Variants in STXBP4 observed in about 807,000 individuals in gnomAD.
STXBP4 encodes the protein syntaxin-binding protein 4.
In STXBP4, 55 loss-of-function variants were observed where a neutral mutation model predicts 76.1. That is an observed-to-expected ratio of 0.72 (90% CI 0.58 to 0.91). The LOEUF is 0.91. Among genes scored for constraint, STXBP4 ranks in the 40% least tolerant of loss-of-function variants. The pLI, the probability that STXBP4 is intolerant of heterozygous loss-of-function variation, is 0.00. For missense variants in STXBP4, 618 were observed against 636.9 expected, an observed-to-expected ratio of 0.97 and a Z score of 0.32; for synonymous variants, 201 against 220.2, an observed-to-expected ratio of 0.91 and a Z score of 0.77.
intron 12 of STXBP4, among the ~76,000 whole-genome samples, chr17:55,051,674 C>T (rs1006373836): frequency 1.3e-5 from 2 of 152,062 alleles, no homozygotes; most frequent in Admixed American, 6.6e-5. Context: ...GGGAGGATGG[C>T]TTGAGGCCAC....
intron 16 of STXBP4, among the ~76,000 whole-genome samples, chr17:55,092,169 AG>A (rs545049401): frequency 6.6e-6 from 1 of 152,110 alleles, no homozygotes; most frequent in Non-Finnish European, 1.5e-5. Flanking sequence ...GAAGGCTGGG[AG>A]GGGGTTAAGG....
At position 55,162,428 on chromosome 17, in the gene STXBP4, A is replaced by C. The variant is rs944009001; in HGVS notation, c.*2517A>C. The stretch of plus-strand genomic sequence containing the variant: ...ATGTCCTTCCGTCTCACTTTACTAG[A>C]GTGCCCAAGTTGACTCATCCTTACT... On this transcript the variant is annotated 3_prime_UTR_variant, in exon 18 of 18. Transcript: ENST00000376352. 4 of 152,170 alleles carry C rather than the reference A, an allele frequency of 2.6e-5. No homozygotes were observed. Among genetic ancestry groups the C allele is most frequent in the Non-Finnish European group, 5.9e-5 (4 of 68,028 alleles). 9.4% of individuals were successfully genotyped at this position (152,170 alleles called of 1,614,324 possible).
chr17:55,125,465 C>T (rs1338227920), intron 16 of STXBP4, among the ~76,000 whole-genome samples: 1 of 84,762 alleles, frequency 1.2e-5, no homozygotes, highest in African/African-American at 4.5e-5. Context: ...CTATTGTAAA[C>T]CCTGGACAAA....
Position 55,036,655 on chromosome 17 carries a change from T to C in STXBP4, c.855+2396T>C, listed in dbSNP as rs1040552677. On this transcript the variant is annotated intron_variant, in intron 10 of 17. Coordinates refer to ENST00000376352, the MANE Select transcript of STXBP4 (RefSeq NM_178509.6). ...TTTGTTTCTGTTTTCAGATATACTT[T>C]TAAATAAATGATATGGTCAGTCAGG... 5.3e-5 allele frequency among the ~76,000 whole-genome samples: 8 copies of C among 151,996 alleles called. No homozygotes were observed. In the South Asian group the frequency reaches 6.3e-4, roughly 12 times the overall value.
chr17:55,063,817 C>G (rs1036397432), intron 12 of STXBP4, among the ~76,000 whole-genome samples: 1 of 152,192 alleles, frequency 6.6e-6, no homozygotes, highest in Non-Finnish European at 1.5e-5. Context: ...AAATACACAT[C>G]ACTAAAATTC....
At chr17:55,197,545 C>T in the STXBP4 span, among the ~76,000 whole-genome samples, 4 of 152,190 alleles carry the variant, frequency 2.6e-5, no homozygotes, top group Non-Finnish European at 4.4e-5. Flanking sequence ...AGAACAAGGC[C>T]ATCCTGGCCA....
chr17:55,195,012 A>G, the STXBP4 span, among the ~76,000 whole-genome samples: 1 of 152,336 alleles, frequency 6.6e-6, no homozygotes, highest in South Asian at 2.1e-4. Context: ...CCACCTAAAT[A>G]TCAATCTGGA....
At chr17:55,211,824 T>TC in the STXBP4 span, among the ~76,000 whole-genome samples, 1 of 139,326 alleles carries the variant, frequency 7.2e-6, no homozygotes, top group Non-Finnish European at 1.5e-5. Context: ...TTTTTTTTTT[T>TC]TTTTGACGGA....
rs1376846834 is a variant in STXBP4 at position 55,017,701 on chromosome 17, G to A, written c.666+10104G>A. Reference sequence around the variant, plus strand: ...CAACTGGCTAAAGCCGGGAGTTCGGGACGACAGCTTTCTTACTCTAGTCGG... The same window carrying A: ...CAACTGGCTAAAGCCGGGAGTTCGGAACGACAGCTTTCTTACTCTAGTCGG... On this transcript the variant is annotated intron_variant, in intron 8 of 17. Coordinates refer to ENST00000376352, the MANE Select transcript of STXBP4 (RefSeq NM_178509.6). 3.3e-5 allele frequency among the ~76,000 whole-genome samples: 5 copies of A among 152,258 alleles called. No homozygotes were observed. The South Asian group carries it at 6.2e-4, about 19-fold the overall frequency.
chr17:55,182,943 G>T, the STXBP4 span, among the ~76,000 whole-genome samples: 1 of 151,484 alleles, frequency 6.6e-6, no homozygotes, highest in Admixed American at 6.6e-5. Context: ...AAGTTTTTAA[G>T]AAACAAGTTA....
chr17:55,085,670 G>A (rs1344563997), intron 16 of STXBP4, among the ~76,000 whole-genome samples: 1 of 152,038 alleles, frequency 6.6e-6, no homozygotes, highest in African/African-American at 2.4e-5. Flanking sequence ...TCAAAATGAT[G>A]TTTTCAGTAC....
chr17:55,090,612 A>G (rs2079398545), intron 16 of STXBP4, among the ~76,000 whole-genome samples: 1 of 152,204 alleles, frequency 6.6e-6, no homozygotes, highest in African/African-American at 2.4e-5. Context: ...TGTATAACAT[A>G]TATAATGTGT....
At chr17:55,045,607 T>G (rs1224037552) in intron 11 of STXBP4, among the ~76,000 whole-genome samples, 2 of 152,022 alleles carry the variant, frequency 1.3e-5, no homozygotes, top group Non-Finnish European at 2.9e-5. Flanking sequence ...CCCTGAGGAG[T>G]CATTCAATAA....
chr17:54,977,155 C>G (rs1598144433), intron 1 of STXBP4, among the ~76,000 whole-genome samples: 2 of 152,038 alleles, frequency 1.3e-5, no homozygotes, highest in South Asian at 2.1e-4. Context: ...GGTAACACCC[C>G]CAAGACAAAT....
chr17:55,104,587 T>TTTG (rs777611825), intron 16 of STXBP4, among the ~76,000 whole-genome samples: 3 of 152,094 alleles, frequency 2.0e-5, no homozygotes, highest in Admixed American at 6.5e-5. Flanking sequence ...CTTAAATTTT[T>TTTG]TTGTTGTTGT....
At chr17:55,117,856 C>A (rs2079799708) in intron 16 of STXBP4, among the ~76,000 whole-genome samples, 1 of 151,898 alleles carries the variant, frequency 6.6e-6, no homozygotes, top group Non-Finnish European at 1.5e-5. Context: ...CTTTCACCAA[C>A]AGATATTGAT....
chr17:55,056,244 ATAT>A (rs1429020321), intron 12 of STXBP4, among the ~76,000 whole-genome samples: 1 of 152,160 alleles, frequency 6.6e-6, no homozygotes, highest in East Asian at 1.9e-4. Context: ...GCATGCAGTA[ATAT>A]TTTTAAAATT....
rs1210091984 is a variant in STXBP4, at chr17:55,160,358, A to G, written c.*447A>G. ...CATATATTAGGAAAGTGAACTTAGC[A>G]AGCTTTTTGGAATTTAAGGATCACA... On this transcript the variant is annotated 3_prime_UTR_variant, in exon 18 of 18. Transcript: ENST00000376352. The G allele has an allele frequency of 6.5e-6, 1 of 152,788 alleles. No individual in the cohort carries two copies. Among genetic ancestry groups the G allele is most frequent in the Non-Finnish European group, 1.5e-5 (1 of 68,172 alleles). 9.5% of individuals were successfully genotyped at this position (152,788 alleles called of 1,614,324 possible).
intron 17 of STXBP4, among the ~76,000 whole-genome samples, chr17:55,158,215 AG>A (rs1035175511): frequency 2.6e-5 from 4 of 152,198 alleles, no homozygotes; most frequent in African/African-American, 9.7e-5. Flanking sequence ...TACAGGCATG[AG>A]CCACTGTGCC....
Sources: allele counts gnomAD v4.1 joint callset (sites outside exome capture counted in the v4.1 genomes callset), GRCh38; gene constraint gnomAD v4.1.1; transcripts MANE v1.5; gene names NCBI Gene and HGNC (gene_info 2026-07-23, HGNC 2026-07-21).